The following ORC5 variants were observed in gnomAD, a reference collection of about 807,000 sequenced individuals.
ORC5 encodes the protein protein phosphatase 1, regulatory subunit 117.
A neutral mutation model predicts 58.8 loss-of-function variants in ORC5; 39 were observed. The observed-to-expected ratio is 0.66, with a 90% CI of 0.51 to 0.87. The LOEUF is 0.87. ORC5 is among the 40% of genes least tolerant of loss of function. The pLI, the probability that ORC5 is intolerant of heterozygous loss-of-function variation, is 0.00. For synonymous variants in ORC5, 218 were observed against 177.6 expected (o/e 1.23, Z -1.81); for missense variants, 493 against 506.3 (o/e 0.97, Z 0.25).
intron 12 of ORC5, among the ~76,000 whole-genome samples, chr7:104,151,301 C>T (rs1199755094): frequency 6.6e-6 from 1 of 152,064 alleles, no homozygotes; most frequent in East Asian, 1.9e-4. Context: ...TGCCTAGTGA[C>T]AAGGAGACCA....
chr7:104,172,435 T>C (rs1394403038), intron 8 of ORC5, among the ~76,000 whole-genome samples: 2 of 152,182 alleles, frequency 1.3e-5, no homozygotes, highest in African/African-American at 4.8e-5. Context: ...TTCTGCTAAT[T>C]AAGAAACTAC....
intron 9 of ORC5, 149 bp downstream of exon 9, chr7:104,168,324 C>T: frequency 2.4e-6 from 3 of 1,256,508 alleles, no homozygotes; most frequent in Non-Finnish European, 3.1e-6. Flanking sequence ...AAAGAAAAAT[C>T]ATTAATCAAA....
At chr7:104,187,879 A>G (rs556424580) in intron 6 of ORC5, 158 of 989,472 alleles carry the variant, frequency 1.6e-4, no homozygotes, top group Non-Finnish European at 1.8e-4. Context: ...AATCTGTTAC[A>G]AAATATTAAC....
chr7:104,167,417 C>T (rs1283669164), intron 9 of ORC5, among the ~76,000 whole-genome samples: 1 of 152,152 alleles, frequency 6.6e-6, no homozygotes. Context: ...TATGTCAGCA[C>T]TCAGAAAATT....
chr7:104,181,908 A>G (rs1799441494), intron 8 of ORC5, among the ~76,000 whole-genome samples: 1 of 152,162 alleles, frequency 6.6e-6, no homozygotes, highest in Admixed American at 6.5e-5. Flanking sequence ...TAAAATCTTA[A>G]ATCGGCCTTG....
In ORC5 at chr7:104,138,792, T is replaced by C. The variant is rs551357230; in HGVS notation, c.1150-1899A>G. ...TCCCAAAGTGTTGGGATTAGAGGCG[T>C]GAGCCCCCGCACCCAACCATTGCTT... is the stretch of plus-strand genomic sequence containing the variant. On this transcript the variant is annotated intron_variant, in intron 12 of 13. Transcript: ENST00000297431. This position sits in a 1 kb window ranked among gnomAD's most constrained non-coding sequence, Gnocchi z 4.7. 6.6e-5 allele frequency among the ~76,000 whole-genome samples: 10 copies of C among 152,348 alleles called. No individual in the cohort carries two copies. The South Asian group carries it at 2.1e-3, about 32-fold the overall frequency.
chr7:104,159,038 T>A (rs1423830055), intron 12 of ORC5, among the ~76,000 whole-genome samples: 1 of 151,840 alleles, frequency 6.6e-6, no homozygotes, highest in East Asian at 1.9e-4. Flanking sequence ...GTACGTTTAT[T>A]ACGGCACTAT....
intron 8 of ORC5, among the ~76,000 whole-genome samples, chr7:104,179,084 A>G (rs758259644): frequency 7.9e-5 from 12 of 151,080 alleles, no homozygotes; most frequent in Non-Finnish European, 1.8e-4. Context: ...TATTTTTGGT[A>G]AAAGAAGGTT....
rs947336512 is a variant in ORC5 at position 104,200,785 on chromosome 7, T to C, written c.339A>G (p.Glu113=). The C allele has an allele frequency of 1.9e-6, 3 of 1,608,482 alleles. No individual in the cohort carries two copies. The African/African-American group carries it at 4.0e-5, about 21-fold the overall frequency. Residue 113 remains glutamate, a synonymous_variant, in exon 3 of 14, where the codon GAA becomes GAG. Transcript: ENST00000297431. ...TATATACAGTCTGATCTTTAAGATT[T>C]TCAGCTGTGGTTACTTGTTTAAACA... ...VRLFKQVTTA[E]NLKDQTVYIV...
Position 104,126,898 on chromosome 7 carries a change from A to T in ORC5, c.1263-5T>A. The T allele has an allele frequency of 6.3e-7, 1 of 1,593,812 alleles. No homozygotes were observed. The highest frequency in any genetic ancestry group is 8.6e-7 in the Non-Finnish European group (1 of 1,162,610). The stretch of plus-strand genomic sequence containing the variant: ...ATTATGTCAAAGTTCACCGTCCTAA[A>T]AACAAAAACAGATAATATGTTAGCA... On this transcript the variant is annotated splice_polypyrimidine_tract_variant and splice_region_variant and intron_variant, in intron 13 of 13. Transcript: ENST00000297431.
At chr7:104,148,495 T>C (rs1798796073) in intron 12 of ORC5, among the ~76,000 whole-genome samples, 1 of 152,154 alleles carries the variant, frequency 6.6e-6, no homozygotes, top group Non-Finnish European at 1.5e-5. Flanking sequence ...AATGAAATTG[T>C]AGCAATAAGG....
intron 9 of ORC5, among the ~76,000 whole-genome samples, chr7:104,167,487 T>C (rs990979090): frequency 5.3e-5 from 8 of 152,202 alleles, no homozygotes; most frequent in Non-Finnish European, 1.0e-4. Context: ...ACATAAATCA[T>C]ACCCCTTAGT....
At chr7:104,168,324 CA>C in intron 9 of ORC5, 148 bp downstream of exon 9, 1 of 1,256,508 alleles carries the variant, frequency 8.0e-7, no homozygotes, top group Non-Finnish European at 1.0e-6. Flanking sequence ...AAAGAAAAAT[CA>C]TTAATCAAAA....
intron 5 of ORC5, among the ~76,000 whole-genome samples, chr7:104,194,848 C>T (rs993339983): frequency 1.3e-5 from 2 of 151,636 alleles, no homozygotes; most frequent in Non-Finnish European, 2.9e-5. Flanking sequence ...ATACAATAAC[C>T]TCTCACAGTT....
intron 5 of ORC5, among the ~76,000 whole-genome samples, chr7:104,190,815 A>T (rs540943570): frequency 6.6e-6 from 1 of 152,112 alleles, no homozygotes; most frequent in East Asian, 1.9e-4. Flanking sequence ...AATCATGTCA[A>T]TTTCCTTTTG....
At chr7:104,187,391 T>C (rs1339307831) in intron 6 of ORC5, among the ~76,000 whole-genome samples, 4 of 152,190 alleles carry the variant, frequency 2.6e-5, no homozygotes, top group African/African-American at 7.2e-5. Flanking sequence ...TTTTAAATGA[T>C]TGCCTTCTGT....
At chr7:104,204,592 T>C (rs1036749593) in intron 1 of ORC5, among the ~76,000 whole-genome samples, 27 of 84,714 alleles carry the variant, frequency 3.2e-4, no homozygotes, top group Non-Finnish European at 4.5e-4. Flanking sequence ...TATTACTCCT[T>C]CTTAAAGACT....
At position 104,158,404 on chromosome 7, in the gene ORC5, A is replaced by G. The variant is rs568002926; in HGVS notation, c.1149+2668T>C. Among the ~76,000 whole-genome samples the G allele has an allele frequency of 4.6e-5, 7 of 152,302 alleles. No individual in the cohort carries two copies. In the South Asian group the frequency reaches 1.2e-3, roughly 27 times the overall value. The stretch of plus-strand genomic sequence containing the variant: ...GAAAACCTAGGCAATACCATTCAGG[A>G]CATAGGCATGGGCAAGGACTTCATG... On this transcript the variant is annotated intron_variant, in intron 12 of 13. Coordinates refer to ENST00000297431, the MANE Select transcript of ORC5 (RefSeq NM_002553.4).
chr7:104,155,418 A>T (rs1798908141), intron 12 of ORC5, among the ~76,000 whole-genome samples: 1 of 151,584 alleles, frequency 6.6e-6, no homozygotes, highest in Non-Finnish European at 1.5e-5. Flanking sequence ...GGTACACAGA[A>T]CTATTTTTTA....
Sources: allele counts gnomAD v4.1 joint callset (sites outside exome capture counted in the v4.1 genomes callset), GRCh38; gene constraint gnomAD v4.1.1; non-coding constraint Gnocchi (gnomAD v3.1); transcripts MANE v1.5; gene names NCBI Gene and HGNC (gene_info 2026-07-23, HGNC 2026-07-21).